The following PLCG2 variants were observed in gnomAD, a reference collection of about 807,000 sequenced individuals.
PLCG2 encodes the protein 1-phosphatidylinositol 4,5-bisphosphate phosphodiesterase gamma-2.
A neutral mutation model predicts 175.6 loss-of-function variants in PLCG2; 69 were observed. The observed-to-expected ratio is 0.39, with a 90% confidence interval of 0.32 to 0.48. PLCG2 has a LOEUF of 0.48. Ranked by LOEUF, PLCG2 falls within the 20% of genes least tolerant of loss-of-function variation. The probability of loss-of-function intolerance (pLI) is 0.91; values close to 1 mark genes in which losing one functional copy is unlikely to be tolerated. For synonymous variants in PLCG2, 827 were observed against 624.0 expected, an observed-to-expected ratio of 1.33 and a Z score of -4.85; for missense variants, 1,798 against 1,650.9, an observed-to-expected ratio of 1.09 and a Z score of -1.54.
intron 19 of PLCG2, among the ~76,000 whole-genome samples, chr16:81,917,516 G>A (rs567797255): frequency 1.3e-5 from 2 of 152,170 alleles, no homozygotes; most frequent in South Asian, 2.1e-4. Context: ...CCACCCACCA[G>A]GTGCAGGGGT....
At chr16:81,915,062 G>A (rs1909786623) in intron 19 of PLCG2, among the ~76,000 whole-genome samples, 1 of 152,354 alleles carries the variant, frequency 6.6e-6, no homozygotes, top group East Asian at 1.9e-4. Flanking sequence ...ATGGGGTGAA[G>A]CGTCACTGTC....
chr16:81,900,550 G>T (rs1909104790), intron 13 of PLCG2, 62 bp from the exon 14 acceptor site: 1 of 1,477,430 alleles, frequency 6.8e-7, no homozygotes, highest in Admixed American at 2.0e-5. Context: ...TGGCCCCTCT[G>T]TGGGGCAGAT....
chr16:81,928,641 T>G lies in PLCG2; in HGVS notation c.2581+17T>G, dbSNP rs1910377147. ...ATAACGTCGGTACGTGCACACATCA[T>G]CTTAGCCTGGATTTCCACCCCTATC... On this transcript the variant is annotated intron_variant, in intron 24 of 32. Coordinates refer to ENST00000564138, the MANE Select transcript of PLCG2 (RefSeq NM_002661.5). 1 of 1,566,402 alleles carries G rather than the reference T, an allele frequency of 6.4e-7. No homozygotes were observed. Among genetic ancestry groups the G allele is most frequent in the Non-Finnish European group, 8.8e-7 (1 of 1,136,690 alleles).
intron 1 of PLCG2, among the ~76,000 whole-genome samples, chr16:81,783,360 G>A (rs1269901933): frequency 6.6e-6 from 1 of 152,178 alleles, no homozygotes; most frequent in Non-Finnish European, 1.5e-5. Context: ...CAACGTGCAG[G>A]TTTGTTACAT....
chr16:81,763,925 C>A (rs559070455), intron 2 of PLCG2, among the ~76,000 whole-genome samples: 9 of 150,894 alleles, frequency 6.0e-5, no homozygotes, highest in African/African-American at 2.2e-4. Context: ...CAAGATTTTG[C>A]CACTGCACTC....
rs567126773 is a variant in PLCG2 at position 81,895,756 on chromosome 16, G to A, written c.1073-51G>A. 812 of 1,607,750 alleles carry A rather than the reference G, an allele frequency of 5.1e-4. 7 individuals are homozygous for A. In the South Asian group the frequency reaches 8.3e-3, roughly 17 times the overall value. On this transcript the variant is annotated intron_variant, in intron 12 of 32. Coordinates refer to ENST00000564138, the MANE Select transcript of PLCG2 (RefSeq NM_002661.5). The stretch of plus-strand genomic sequence containing the variant: ...TGTGTGGGCCGGGGGCTGACCTCGG[G>A]GCTGTCAGTGAACACACGTGGTATT...
intron 27 of PLCG2, among the ~76,000 whole-genome samples, chr16:81,937,161 T>A (rs12325524): frequency 3.3e-5 from 5 of 152,008 alleles, no homozygotes; most frequent in Non-Finnish European, 5.9e-5. Flanking sequence ...CTGCCCTCCA[T>A]AGAGATCGTG....
chr16:81,797,882 G>T (rs1201876252), intron 2 of PLCG2, among the ~76,000 whole-genome samples: 1 of 151,074 alleles, frequency 6.6e-6, no homozygotes, highest in Non-Finnish European at 1.5e-5. Context: ...CCAGGCTGAA[G>T]TGCAGCGGCA....
chr16:81,804,319 A>C (rs1911894388), intron 2 of PLCG2, among the ~76,000 whole-genome samples: 1 of 152,212 alleles, frequency 6.6e-6, no homozygotes, highest in Admixed American at 6.5e-5. Context: ...TATCTTAAAT[A>C]GTTGATGTAA....
chr16:81,945,530 C>G (rs1049825265), intron 30 of PLCG2, among the ~76,000 whole-genome samples: 4 of 152,216 alleles, frequency 2.6e-5, no homozygotes, highest in African/African-American at 9.6e-5. Flanking sequence ...CTAAAACAAG[C>G]CAGCAAACCA....
chr16:81,840,012 G>A (rs1905735942), intron 2 of PLCG2, among the ~76,000 whole-genome samples: 1 of 152,188 alleles, frequency 6.6e-6, no homozygotes, highest in Non-Finnish European at 1.5e-5. Flanking sequence ...AGCTGTGATT[G>A]TGCCACTGCA....
intron 26 of PLCG2, 165 bp from the exon 27 acceptor site, chr16:81,936,004 C>T: frequency 1.0e-6 from 1 of 985,292 alleles, no homozygotes; most frequent in Non-Finnish European, 1.2e-6. Context: ...GGGCAAGAGT[C>T]CACAGTGATA....
At chr16:81,802,239 A>G (rs1329332450) in intron 2 of PLCG2, among the ~76,000 whole-genome samples, 1 of 149,970 alleles carries the variant, frequency 6.7e-6, no homozygotes, top group Non-Finnish European at 1.5e-5. Flanking sequence ...CAGCCTCCAC[A>G]GTAGTTGGGA....
At chr16:81,938,732 C>G in intron 28 of PLCG2, 69 bp from the exon 29 acceptor site, 1 of 878,708 alleles carries the variant, frequency 1.1e-6, no homozygotes, top group South Asian at 1.4e-5. Flanking sequence ...TAGAACCCAG[C>G]TGCAATCCAC....
intron 19 of PLCG2, among the ~76,000 whole-genome samples, chr16:81,918,015 G>A (rs1191145995): frequency 6.6e-5 from 10 of 152,256 alleles, no homozygotes; most frequent in African/African-American, 1.4e-4. Flanking sequence ...GAGCCACCAC[G>A]CCCGGCCTTT....
chr16:81,876,321 C>A (rs1408648033), intron 7 of PLCG2, among the ~76,000 whole-genome samples: 1 of 152,170 alleles, frequency 6.6e-6, no homozygotes, highest in Non-Finnish European at 1.5e-5. Flanking sequence ...CTGTGCCTGG[C>A]CTAGCTTTTC....
At chr16:81,918,057 T>C (rs1876841494) in intron 19 of PLCG2, among the ~76,000 whole-genome samples, 1 of 152,202 alleles carries the variant, frequency 6.6e-6, no homozygotes, top group African/African-American at 2.4e-5. Context: ...TTTATTTTCT[T>C]ACTATTGAGC....
intron 2 of PLCG2, among the ~76,000 whole-genome samples, chr16:81,819,625 C>G (rs770205761): frequency 6.6e-6 from 1 of 152,236 alleles, no homozygotes; most frequent in African/African-American, 2.4e-5. Context: ...CGCTCTTTCG[C>G]CCAGGCTGTA....
intron 2 of PLCG2, chr16:81,766,692 T>C (rs896533142): frequency 6.6e-6 from 1 of 152,228 alleles, no homozygotes; most frequent in Non-Finnish European, 1.5e-5. Context: ...TATTTTGTCT[T>C]TTTTTCCCCT....
Sources: allele counts gnomAD v4.1 joint callset (sites outside exome capture counted in the v4.1 genomes callset), GRCh38; gene constraint gnomAD v4.1.1; transcripts MANE v1.5; gene names NCBI Gene and HGNC (gene_info 2026-07-23, HGNC 2026-07-21).